The following SGCZ variants were observed in gnomAD, a reference collection of about 807,000 sequenced individuals.
The protein encoded by SGCZ is zeta-sarcoglycan.
In SGCZ, 40 loss-of-function variants were observed where a neutral mutation model predicts 41.3. The ratio of observed to expected loss-of-function variants is 0.97; its 90% CI spans 0.75 to 1.26. The LOEUF (loss-of-function observed/expected upper bound fraction) is 1.26, where lower values mean the gene tolerates loss of function less well. Ranked by LOEUF, SGCZ falls within the 50% of genes most tolerant of loss-of-function variation. The pLI is 0.00. For synonymous variants in SGCZ, 206 were observed against 137.5 expected (o/e 1.50, Z -3.49); for missense variants, 552 against 369.8 (o/e 1.49, Z -4.04).
intron 7 of SGCZ, among the ~76,000 whole-genome samples, chr8:14,091,545 T>A (rs1801689785): frequency 6.6e-6 from 1 of 152,178 alleles, no homozygotes. Flanking sequence ...TATCCCATTG[T>A]GGATTTGATA....
intron 1 of SGCZ, among the ~76,000 whole-genome samples, chr8:14,997,823 G>T (rs973571777): frequency 2.0e-5 from 3 of 152,146 alleles, no homozygotes; most frequent in Non-Finnish European, 4.4e-5. Context: ...AGGCAGGCCT[G>T]ATGGCACACG....
intron 4 of SGCZ, among the ~76,000 whole-genome samples, chr8:14,203,424 TA>T (rs1351635906): frequency 1.3e-5 from 2 of 152,202 alleles, no homozygotes; most frequent in Non-Finnish European, 2.9e-5. Flanking sequence ...TTTTAATACC[TA>T]ATACAATTCT....
chr8:14,646,225 C>T (rs1807210798), intron 1 of SGCZ, among the ~76,000 whole-genome samples: 1 of 121,150 alleles, frequency 8.3e-6, no homozygotes, highest in Admixed American at 7.7e-5. Flanking sequence ...CTAGTAGTTG[C>T]CAGTATCTAC....
intron 1 of SGCZ, among the ~76,000 whole-genome samples, chr8:14,890,453 G>A (rs940931743): frequency 6.6e-6 from 1 of 152,298 alleles, no homozygotes; most frequent in East Asian, 1.9e-4. Flanking sequence ...CTAAGCGAAA[G>A]CCTATTCAAG....
chr8:15,115,777 T>C (rs577183875), intron 1 of SGCZ, among the ~76,000 whole-genome samples: 1 of 152,242 alleles, frequency 6.6e-6, no homozygotes. Flanking sequence ...TTAAAACACA[T>C]GTACAATGTG....
chr8:14,210,619 C>T (rs758364760), intron 4 of SGCZ, among the ~76,000 whole-genome samples: 5 of 151,828 alleles, frequency 3.3e-5, no homozygotes, highest in African/African-American at 9.7e-5. Context: ...TGCGTCACCA[C>T]TCTCTGCTAA....
At chr8:15,158,294 C>T (rs58282951) in intron 1 of SGCZ, among the ~76,000 whole-genome samples, 2,504 of 152,196 alleles carry the variant, frequency 0.016, 59 homozygotes, top group African/African-American at 0.057. Context: ...GTTCTAAAGG[C>T]CAAAACCCCT....
At chr8:14,330,930 A>T (rs1238558820) in intron 2 of SGCZ, among the ~76,000 whole-genome samples, 1 of 152,076 alleles carries the variant, frequency 6.6e-6, no homozygotes, top group East Asian at 1.9e-4. Context: ...CAAGAGAAGC[A>T]AATATACATT....
chr8:14,604,558 GT>G (rs1234938239), intron 1 of SGCZ, among the ~76,000 whole-genome samples: 13 of 152,194 alleles, frequency 8.5e-5, no homozygotes, highest in African/African-American at 3.1e-4. Flanking sequence ...TAGAAGGCTT[GT>G]TTACTACATG....
chr8:14,585,830 T>C (rs1012377411), intron 1 of SGCZ, among the ~76,000 whole-genome samples: 1 of 152,194 alleles, frequency 6.6e-6, no homozygotes, highest in Non-Finnish European at 1.5e-5. Flanking sequence ...TTCTGTTTCG[T>C]AGCAAACCAT....
chr8:14,853,455 G>A (rs1803417913), intron 1 of SGCZ: 1 of 532,640 alleles, frequency 1.9e-6, no homozygotes, highest in Non-Finnish European at 3.9e-6. Context: ...TGACCAGGCA[G>A]TGCTGTGGCT....
At chr8:15,219,689 G>A (rs890839763) in intron 1 of SGCZ, among the ~76,000 whole-genome samples, 14 of 152,144 alleles carry the variant, frequency 9.2e-5, no homozygotes, top group African/African-American at 3.4e-4. Context: ...AGTGAATACA[G>A]AAGGAAACAG....
intron 3 of SGCZ, among the ~76,000 whole-genome samples, chr8:14,322,696 G>A (rs886238071): frequency 6.6e-6 from 1 of 152,102 alleles, no homozygotes; most frequent in African/African-American, 2.4e-5. Context: ...CAGTAAGGAG[G>A]CATTTTCAGA....
chr8:14,318,703 G>A (rs1335394496), intron 3 of SGCZ, among the ~76,000 whole-genome samples: 1 of 151,912 alleles, frequency 6.6e-6, no homozygotes, highest in Non-Finnish European at 1.5e-5. Flanking sequence ...CAAAACCTCA[G>A]AAGAGACAGA....
Position 14,975,132 on chromosome 8 carries a change from G to A in SGCZ, c.39+262453C>T, listed in dbSNP as rs533648314. On this transcript the variant is annotated intron_variant, in intron 1 of 7. Transcript: ENST00000382080. ...CCATCCTGGCTAACATGGTGAAACCGCGTCTCTACTAAAAATACAAAAGAT... is the reference window on the plus strand; with the variant it reads ...CCATCCTGGCTAACATGGTGAAACCACGTCTCTACTAAAAATACAAAAGAT... 8.6e-5 allele frequency among the ~76,000 whole-genome samples: 13 copies of A among 151,904 alleles called. No homozygotes were observed. The South Asian group carries it at 1.9e-3, about 22-fold the overall frequency.
In SGCZ at chr8:14,514,811, GTGTATA is replaced by G. The variant is rs760360985; in HGVS notation, c.234+39915_234+39920del. 5.4e-3 allele frequency among the ~76,000 whole-genome samples: 401 copies of G among 73,680 alleles called. 2 individuals are homozygous for G. The highest frequency in any genetic ancestry group is 0.014 in the Admixed American group (115 of 8,228). The allele number at this position is 73,680 out of a possible 152,430, so 48.3% of individuals were successfully genotyped here. ...TGTGTGTGTGTGTGTGTGTGTGTGT[GTGTATA>G]TATACACGCACACACACACACACAC... On this transcript the variant is annotated intron_variant, in intron 2 of 7. Transcript: ENST00000382080.
At chr8:14,481,701 A>T (rs1801539186) in intron 2 of SGCZ, among the ~76,000 whole-genome samples, 1 of 152,140 alleles carries the variant, frequency 6.6e-6, no homozygotes, top group Admixed American at 6.5e-5. Flanking sequence ...TTATACTAGG[A>T]GAATGGATTA....
intron 2 of SGCZ, among the ~76,000 whole-genome samples, chr8:14,375,969 G>T (rs544419345): frequency 6.6e-6 from 1 of 152,264 alleles, no homozygotes; most frequent in East Asian, 1.9e-4. Context: ...ATAACTTAAT[G>T]TATTCAGGTG....
intron 4 of SGCZ, among the ~76,000 whole-genome samples, chr8:14,213,198 G>C (rs1341126420): frequency 2.8e-5 from 4 of 142,642 alleles, no homozygotes; most frequent in African/African-American, 9.7e-5. Context: ...ATAAACTGTA[G>C]ATTTAAGAAG....
Sources: allele counts gnomAD v4.1 joint callset (sites outside exome capture counted in the v4.1 genomes callset), GRCh38; gene constraint gnomAD v4.1.1; transcripts MANE v1.5; gene names NCBI Gene and HGNC (gene_info 2026-07-23, HGNC 2026-07-21).